Variants in PPP1R21 observed in about 807,000 individuals in gnomAD.
The protein encoded by PPP1R21 is protein phosphatase 1 regulatory subunit 21.
Under a neutral mutation model 112.8 loss-of-function variants are expected in PPP1R21, and 85 were observed. The ratio of observed to expected loss-of-function variants is 0.75; its 90% CI spans 0.63 to 0.90. The LOEUF is 0.90. Among genes scored for constraint, PPP1R21 ranks in the 40% least tolerant of loss-of-function variants. The pLI is 0.00. For synonymous variants in PPP1R21, 381 were observed against 322.3 expected (o/e 1.18, Z -1.95); for missense variants, 1,199 against 901.5 (o/e 1.33, Z -4.23).
chr2:48,474,740 A>T lies in PPP1R21; in HGVS notation c.1146A>T (p.Leu382=), dbSNP rs1668674804. 1 of 1,613,432 alleles carries T rather than the reference A, an allele frequency of 6.2e-7. No homozygotes were observed. Among genetic ancestry groups the T allele is most frequent in the South Asian group, 1.1e-5 (1 of 90,948 alleles). The change falls in exon 12 of 22, where the codon CTA becomes CTT. Residue 382 remains leucine (L), a synonymous_variant. Transcript: ENST00000294952. ...LCTSALRARN[L]ELSQDMKKMT... is the part of the protein sequence containing the mutation. The stretch of plus-strand genomic sequence containing the variant: ...CATCTGCGTTAAGAGCCAGGAATCT[A>T]GAGCTGTCCCAGGACATGAAAAAAA...
intron 9 of PPP1R21, among the ~76,000 whole-genome samples, chr2:48,468,883 A>T (rs1668328532): frequency 6.6e-6 from 1 of 151,152 alleles, no homozygotes; most frequent in African/African-American, 2.4e-5. Flanking sequence ...GTGTGTATAT[A>T]TATGTATAAG....
chr2:48,469,535 T>TATATATATAGAG (rs1553339307), intron 9 of PPP1R21, among the ~76,000 whole-genome samples: 1 of 73,234 alleles, frequency 1.4e-5, no homozygotes, highest in Admixed American at 1.5e-4. Flanking sequence ...TATATATATA[T>TATATATATAGAG]AGAGCATATA....
At chr2:48,485,886 T>TATTA (rs1669264262) in intron 13 of PPP1R21, among the ~76,000 whole-genome samples, 1 of 1,990 alleles carries the variant, frequency 5.0e-4, no homozygotes, top group Non-Finnish European at 2.6e-3. Flanking sequence ...CAATTGTATA[T>TATTA]ACTAACTAAT....
At chr2:48,451,467 A>G (rs1436799638) in intron 2 of PPP1R21, among the ~76,000 whole-genome samples, 1 of 152,156 alleles carries the variant, frequency 6.6e-6, no homozygotes, top group Non-Finnish European at 1.5e-5. Flanking sequence ...GTCTCTAATA[A>G]GTGGATTCCA....
rs116604630 is a variant in PPP1R21 at position 48,482,109 on chromosome 2, C to T, written c.1318+2093C>T. 2.9e-3 allele frequency among the ~76,000 whole-genome samples: 440 copies of T among 152,250 alleles called. 5 individuals carry two copies. Among genetic ancestry groups the T allele is most frequent in the African/African-American group, 0.01 (419 of 41,538 alleles). On this transcript the variant is annotated intron_variant, in intron 13 of 21. Coordinates refer to ENST00000294952, the MANE Select transcript of PPP1R21 (RefSeq NM_001135629.3). ...TCCTAAGCTTTTTGGATAAGGGATT[C>T]TTAATCTATTGGTTGATAGGTTGGT... is the stretch of plus-strand genomic sequence containing the variant.
intron 1 of PPP1R21, among the ~76,000 whole-genome samples, chr2:48,443,037 A>G (rs1667101158): frequency 1.3e-5 from 2 of 152,214 alleles, no homozygotes; most frequent in Non-Finnish European, 2.9e-5. Flanking sequence ...GTAGGGTTAT[A>G]TAAAGTTAGT....
intron 7 of PPP1R21, among the ~76,000 whole-genome samples, chr2:48,461,819 AT>A (rs1667991964): frequency 6.6e-6 from 1 of 152,192 alleles, no homozygotes; most frequent in Non-Finnish European, 1.5e-5. Context: ...GCTTGTTTGG[AT>A]TTTGAAACTT....
At chr2:48,459,215 G>T (rs993114896) in intron 4 of PPP1R21, among the ~76,000 whole-genome samples, 2 of 151,110 alleles carry the variant, frequency 1.3e-5, no homozygotes, top group South Asian at 2.1e-4. Context: ...ACGCTTTTCA[G>T]TCTTTGAAAA....
In PPP1R21 at chr2:48,464,874, TTTAAG is replaced by T. The variant is rs1410210114; in HGVS notation, c.695-59_695-55del. 3.5e-5 allele frequency: 45 copies of T among 1,289,028 alleles called. 1 individual carries two copies. The highest frequency in any genetic ancestry group is 2.9e-4 in the Admixed American group (12 of 41,116). 79.8% of individuals were successfully genotyped at this position (1,289,028 alleles called of 1,614,324 possible). A position where few individuals can be genotyped will look rare whatever the true frequency, so the allele number is the denominator to read the frequency against. On this transcript the variant is annotated intron_variant, in intron 7 of 21. Coordinates refer to ENST00000294952, the MANE Select transcript of PPP1R21 (RefSeq NM_001135629.3). Reference sequence around the variant, plus strand: ...GCTTCAGAGCATTCATTATTTTGCATTTAAGTTATTTTCCAGTATATGTGAAATGA... The same window carrying T: ...GCTTCAGAGCATTCATTATTTTGCATTTATTTTCCAGTATATGTGAAATGA...
At position 48,486,736 on chromosome 2, in the gene PPP1R21, C is replaced by A. The variant is rs1193165744; in HGVS notation, c.1424C>A (p.Ala475Glu). Residue 475 changes from alanine to glutamate, a missense_variant, in exon 14 of 22, where the codon GCA becomes GAA. Physicochemically the swap from Ala to Glu is moderately radical, Grantham distance 107. Coordinates refer to ENST00000294952, the MANE Select transcript of PPP1R21 (RefSeq NM_001135629.3). ...TNDCILSSVV[A>E]LTNGAGKIAS... ...GACTGTATCCTGTCATCAGTAGTGG[C>A]ATTAACAAATGGAGCAGGAAAGGTA... is the stretch of plus-strand genomic sequence containing the variant. 1 of 1,613,444 alleles carries A rather than the reference C, an allele frequency of 6.2e-7. No individual in the cohort carries two copies. The highest frequency in any genetic ancestry group is 1.7e-5 in the Admixed American group (1 of 59,924).
intron 13 of PPP1R21, among the ~76,000 whole-genome samples, chr2:48,485,955 TTATA>T (rs1184321726): frequency 6.8e-6 from 1 of 147,332 alleles, no homozygotes; most frequent in African/African-American, 2.5e-5. Flanking sequence ...TATAATTGTA[TTATA>T]TATAGTTTTA....
chr2:48,485,871 ATATACAAT>A (rs1669261833), intron 13 of PPP1R21, among the ~76,000 whole-genome samples: 1 of 1,796 alleles, frequency 5.6e-4, no homozygotes, highest in Non-Finnish European at 3.8e-3. Context: ...ATTAACTAAT[ATATACAAT>A]TGTATATACT....
chr2:48,511,214 A>T (rs1670622538), intron 20 of PPP1R21, 126 bp from the exon 21 acceptor site: 10 of 939,702 alleles, frequency 1.1e-5, no homozygotes, highest in Non-Finnish European at 1.3e-5. Context: ...GCTATTTTGA[A>T]ATATACAGTA....
chr2:48,496,619 C>T (rs1184399512), intron 16 of PPP1R21, among the ~76,000 whole-genome samples: 1 of 152,172 alleles, frequency 6.6e-6, no homozygotes, highest in African/African-American at 2.4e-5. Flanking sequence ...AGGTGCATAC[C>T]ACCATGCCCG....
At chr2:48,481,206 C>T (rs1668995227) in intron 13 of PPP1R21, among the ~76,000 whole-genome samples, 1 of 152,202 alleles carries the variant, frequency 6.6e-6, no homozygotes, top group South Asian at 2.1e-4. Flanking sequence ...CCAGGCTGGT[C>T]TTGAACTCCT....
intron 13 of PPP1R21, among the ~76,000 whole-genome samples, chr2:48,485,058 A>G (rs1669219044): frequency 6.6e-6 from 1 of 152,172 alleles, no homozygotes; most frequent in South Asian, 2.1e-4. Context: ...TTCAGTACTT[A>G]CAGACTGTTG....
intron 13 of PPP1R21, among the ~76,000 whole-genome samples, chr2:48,483,066 T>C (rs1669098305): frequency 6.6e-6 from 1 of 152,130 alleles, no homozygotes; most frequent in African/African-American, 2.4e-5. Flanking sequence ...GTTAGTTTGC[T>C]GAAGATAATG....
At chr2:48,464,455 G>A (rs1668112075) in intron 7 of PPP1R21, among the ~76,000 whole-genome samples, 1 of 152,174 alleles carries the variant, frequency 6.6e-6, no homozygotes, top group Admixed American at 6.5e-5. Context: ...GGAAGACTGA[G>A]AAAGATAGTG....
chr2:48,496,720 G>A (rs1439729264), intron 16 of PPP1R21, among the ~76,000 whole-genome samples: 1 of 152,184 alleles, frequency 6.6e-6, no homozygotes, highest in African/African-American at 2.4e-5. Context: ...CCCTGCCTTG[G>A]CCTCCCAAAG....
Sources: allele counts gnomAD v4.1 joint callset (sites outside exome capture counted in the v4.1 genomes callset), GRCh38; gene constraint gnomAD v4.1.1; transcripts MANE v1.5; gene names NCBI Gene and HGNC (gene_info 2026-07-23, HGNC 2026-07-21).